The following PTH2R variants were observed in gnomAD, a reference collection of about 807,000 sequenced individuals.
PTH2R encodes parathyroid hormone 2 receptor.
PTH2R carries 59 observed loss-of-function variants against 60.3 expected under a neutral mutation model. That is an observed-to-expected ratio of 0.98 (90% confidence interval 0.79 to 1.22). The LOEUF is 1.22. PTH2R is among the 50% of genes most tolerant of loss of function. PTH2R has a pLI of 0.00. For synonymous variants in PTH2R, 256 were observed against 243.8 expected (o/e 1.05, Z -0.47); for missense variants, 749 against 682.6 (o/e 1.10, Z -1.08).
rs766996481 is a variant in PTH2R at position 208,493,398 on chromosome 2, G to C, written c.1392G>C (p.Gln464His). 3.1e-6 allele frequency: 5 copies of C among 1,610,112 alleles called. No individual in the cohort carries two copies. Among genetic ancestry groups the C allele is most frequent in the South Asian group, 1.1e-5 (1 of 90,570 alleles). Reference sequence around the variant, plus strand: ...CGCACAGCACCAGCAGCCAGTCACAGGTGGCGGCCAGCACACGCATGGTGC... The same window carrying C: ...CGCACAGCACCAGCAGCCAGTCACACGTGGCGGCCAGCACACGCATGGTGC... ...TVTHSTSSQS[Q>H]VAASTRMVLI... The change falls in exon 13 of 13, where the codon CAG becomes CAC. Residue 464 changes from glutamine (Q) to histidine (H), a missense_variant. By Grantham distance (24) the Gln-to-His change is conservative (BLOSUM62 0). Coordinates refer to ENST00000272847, the MANE Select transcript of PTH2R (RefSeq NM_005048.4).
At chr2:208,434,156 A>C (rs1016777076) in intron 2 of PTH2R, among the ~76,000 whole-genome samples, 1 of 152,160 alleles carries the variant, frequency 6.6e-6, no homozygotes, top group South Asian at 2.1e-4. Flanking sequence ...TCTACTAAAA[A>C]TACAAAAATT....
chr2:208,374,068 T>G (rs984941035), intron 1 of PTH2R, among the ~76,000 whole-genome samples: 3 of 151,982 alleles, frequency 2.0e-5, no homozygotes, highest in African/African-American at 7.3e-5. Context: ...TTAAAGACTT[T>G]GATTTTAAGG....
At chr2:208,425,425 T>C (rs546735595) in intron 1 of PTH2R, among the ~76,000 whole-genome samples, 1 of 152,270 alleles carries the variant, frequency 6.6e-6, no homozygotes, top group South Asian at 2.1e-4. Flanking sequence ...TCCACAGCAA[T>C]GACCCAATGA....
chr2:208,452,230 C>T (rs1255727567), intron 8 of PTH2R, among the ~76,000 whole-genome samples: 1 of 152,098 alleles, frequency 6.6e-6, no homozygotes, highest in Non-Finnish European at 1.5e-5. Flanking sequence ...GTTTTCTCAG[C>T]TGTCAAATGC....
chr2:208,380,854 T>C (rs1700900697), intron 1 of PTH2R, among the ~76,000 whole-genome samples: 1 of 152,068 alleles, frequency 6.6e-6, no homozygotes. Context: ...GTAAGGAAGG[T>C]GACATGCTGA....
chr2:208,456,381 A>G (rs1195790722), intron 8 of PTH2R, among the ~76,000 whole-genome samples: 8 of 152,212 alleles, frequency 5.3e-5, no homozygotes, highest in Admixed American at 3.9e-4. Flanking sequence ...TAATCTGATT[A>G]TCTTCTCTTT....
intron 8 of PTH2R, among the ~76,000 whole-genome samples, chr2:208,454,852 A>C (rs979301236): frequency 3.3e-5 from 5 of 152,172 alleles, no homozygotes; most frequent in Admixed American, 1.3e-4. Context: ...GAGTTACTAG[A>C]TATTTCCTTC....
rs757297397 is a variant in PTH2R at position 208,442,479 on chromosome 2, C to G, written c.509+18C>G. On this transcript the variant is annotated intron_variant, in intron 5 of 12. Transcript: ENST00000272847. ...TACTTCAGGTGAGTGATGCCCATCA[C>G]TTTTTCCATGAAGGGGCACATTGTC... 4.5e-6 allele frequency: 7 copies of G among 1,547,852 alleles called. No individual in the cohort carries two copies. The East Asian group carries it at 1.6e-4, about 35-fold the overall frequency.
At chr2:208,462,058 C>G (rs888955771) in intron 9 of PTH2R, among the ~76,000 whole-genome samples, 1 of 152,270 alleles carries the variant, frequency 6.6e-6, no homozygotes, top group African/African-American at 2.4e-5. Context: ...AGCTGAGACT[C>G]AAGAATATCT....
At chr2:208,445,970 G>C (rs1044427880) in intron 7 of PTH2R, among the ~76,000 whole-genome samples, 7 of 152,088 alleles carry the variant, frequency 4.6e-5, no homozygotes, top group Admixed American at 6.5e-5. Context: ...GCTTTTTTAG[G>C]ATCCTTTGGA....
chr2:208,475,179 A>C (rs1483618611), intron 9 of PTH2R, among the ~76,000 whole-genome samples: 2 of 152,232 alleles, frequency 1.3e-5, no homozygotes, highest in Non-Finnish European at 2.9e-5. Context: ...GCTGAATTAA[A>C]ATGTGAAAAT....
At chr2:208,450,211 A>C (rs183459062) in intron 7 of PTH2R, among the ~76,000 whole-genome samples, 371 of 152,360 alleles carry the variant, frequency 2.4e-3, no homozygotes, top group African/African-American at 8.2e-3. Context: ...CTATTAATGC[A>C]TGAAAATGCT....
At chr2:208,380,966 A>T (rs1370612504) in intron 1 of PTH2R, among the ~76,000 whole-genome samples, 1 of 152,038 alleles carries the variant, frequency 6.6e-6, no homozygotes, top group Non-Finnish European at 1.5e-5. Flanking sequence ...GAATGAAGGT[A>T]AAAAAATTGA....
chr2:208,472,664 T>G (rs1364561837), intron 9 of PTH2R, among the ~76,000 whole-genome samples: 1 of 152,332 alleles, frequency 6.6e-6, no homozygotes, highest in Admixed American at 6.5e-5. Flanking sequence ...ACCTTTTTTT[T>G]GTTTTCAGTC....
At chr2:208,447,974 T>C (rs1327441865) in intron 7 of PTH2R, among the ~76,000 whole-genome samples, 1 of 152,200 alleles carries the variant, frequency 6.6e-6, no homozygotes, top group Admixed American at 6.5e-5. Flanking sequence ...GTAATTTGCT[T>C]CTATATTAGT....
At chr2:208,372,142 C>T (rs1216365585) in intron 1 of PTH2R, among the ~76,000 whole-genome samples, 8 of 152,152 alleles carry the variant, frequency 5.3e-5, no homozygotes, top group African/African-American at 1.9e-4. Flanking sequence ...AGACTAGTCT[C>T]GAATTCCTAA....
At chr2:208,385,098 T>C (rs1700979276) in intron 1 of PTH2R, among the ~76,000 whole-genome samples, 1 of 152,020 alleles carries the variant, frequency 6.6e-6, no homozygotes, top group Non-Finnish European at 1.5e-5. Flanking sequence ...TTCTTTGTAC[T>C]TCTTATTCTC....
intron 11 of PTH2R, 133 bp from the exon 12 acceptor site, chr2:208,490,506 G>T: frequency 1.4e-6 from 1 of 731,958 alleles, no homozygotes; most frequent in South Asian, 2.1e-5. Flanking sequence ...AACACTAGGA[G>T]AGAATAATTT....
At chr2:208,378,714 C>T (rs1024161821) in intron 1 of PTH2R, among the ~76,000 whole-genome samples, 7 of 152,150 alleles carry the variant, frequency 4.6e-5, no homozygotes, top group Non-Finnish European at 1.0e-4. Context: ...TGATCTCAGA[C>T]TTCCCAGTCT....
Sources: gnomAD v4.1 joint callset for allele counts (sites outside exome capture counted in the v4.1 genomes callset) on GRCh38, gnomAD v4.1.1 for gene constraint, MANE v1.5 for transcripts, NCBI Gene and HGNC (gene_info 2026-07-23, HGNC 2026-07-21) for gene names.